Variants in PDZRN4 observed in about 807,000 individuals in gnomAD.
The protein encoded by PDZRN4 is PDZ domain-containing RING finger protein 4.
Under a neutral mutation model 99.0 loss-of-function variants are expected in PDZRN4, and 70 were observed. The ratio of observed to expected loss-of-function variants is 0.71; its 90% CI spans 0.58 to 0.86. PDZRN4 has a LOEUF of 0.86. Ranked by LOEUF, PDZRN4 falls within the 40% of genes least tolerant of loss-of-function variation. The pLI is 0.00. For missense variants in PDZRN4, 1,474 were observed against 1,331.2 expected (o/e 1.11, Z -1.67); for synonymous variants, 551 against 501.6 (o/e 1.10, Z -1.32).
intron 3 of PDZRN4, among the ~76,000 whole-genome samples, chr12:41,265,138 T>C (rs1233872144): frequency 6.6e-6 from 1 of 152,116 alleles, no homozygotes; most frequent in African/African-American, 2.4e-5. Flanking sequence ...TAATGTCAAA[T>C]GAGTCCTTAA....
rs563623613 is a variant in PDZRN4, at chr12:41,303,078, G to A, written c.843+108890G>A. Among the ~76,000 whole-genome samples, 407 of 152,068 alleles carry A rather than the reference G, an allele frequency of 2.7e-3. 4 individuals are homozygous for A. The highest frequency in any genetic ancestry group is 0.017 in the South Asian group (80 of 4,824). On this transcript the variant is annotated intron_variant, in intron 3 of 9. Transcript: ENST00000402685. Reference sequence around the variant, plus strand: ...ACTGATAGAGTGGAGTCAGTGAGCCGTGGCACACATGATCTGAAGAATTAC... The same window carrying A: ...ACTGATAGAGTGGAGTCAGTGAGCCATGGCACACATGATCTGAAGAATTAC...
intron 3 of PDZRN4, among the ~76,000 whole-genome samples, chr12:41,215,988 G>C (rs1422765762): frequency 2.6e-5 from 4 of 151,828 alleles, no homozygotes. Flanking sequence ...ACTATTACTA[G>C]TTAAGGACCT....
At chr12:41,417,723 G>C (rs368097162) in intron 3 of PDZRN4, among the ~76,000 whole-genome samples, 158 of 152,304 alleles carry the variant, frequency 1.0e-3, no homozygotes, top group African/African-American at 3.7e-3. Context: ...TGCATTCTCA[G>C]ATAGGTGATG....
intron 3 of PDZRN4, among the ~76,000 whole-genome samples, chr12:41,312,543 C>A (rs1040365371): frequency 1.3e-5 from 2 of 152,128 alleles, no homozygotes; most frequent in African/African-American, 4.8e-5. Flanking sequence ...GTTTAATGGA[C>A]TCACAGTTCC....
intron 5 of PDZRN4, among the ~76,000 whole-genome samples, chr12:41,552,453 A>G (rs1180512293): frequency 6.6e-6 from 1 of 152,224 alleles, no homozygotes; most frequent in Non-Finnish European, 1.5e-5. Context: ...CAACAAAAAT[A>G]TAAAACACTG....
At position 41,515,422 on chromosome 12, in the gene PDZRN4, G is replaced by C. The variant is rs1474760698; in HGVS notation, c.1203+5509G>C. On this transcript the variant is annotated intron_variant, in intron 5 of 9. Transcript: ENST00000402685. ...TTTTATATCACTTACTACTGGGGCA[G>C]TAAAATAATCCATTAAAAAAATCAC... 2.6e-5 allele frequency among the ~76,000 whole-genome samples: 4 copies of C among 151,924 alleles called. No individual in the cohort carries two copies. In the East Asian group the frequency reaches 7.8e-4, roughly 30 times the overall value.
chr12:41,459,845 A>G (rs982031556), intron 3 of PDZRN4: 8 of 887,592 alleles, frequency 9.0e-6, no homozygotes, highest in Non-Finnish European at 1.2e-5. Context: ...GGGTATTGGG[A>G]AAAAATACCC....
At chr12:41,437,756 C>T (rs745760812) in intron 3 of PDZRN4, 137 of 1,496,302 alleles carry the variant, frequency 9.2e-5, no homozygotes, top group Non-Finnish European at 1.1e-4. Context: ...TTAGGGAAAG[C>T]GAAGAAGAGC....
rs557182250 is a variant in PDZRN4, at chr12:41,506,786, A to G, written c.1100+74A>G. 91 of 1,493,504 alleles carry G rather than the reference A, an allele frequency of 6.1e-5. 2 individuals are homozygous for G. The African/African-American group carries it at 1.0e-3, about 17-fold the overall frequency. 92.5% of individuals were successfully genotyped at this position (1,493,504 alleles called of 1,614,324 possible). A position where few individuals can be genotyped will look rare whatever the true frequency, so the allele number is the denominator to read the frequency against. ...CGTAAAGCAGATGTTGAAAAGAAGC[A>G]GTTCCACTAGCAGGTTGACAGTTAT... On this transcript the variant is annotated intron_variant, in intron 4 of 9. Transcript: ENST00000402685.
Position 41,440,798 on chromosome 12 carries a change from G to A in PDZRN4, c.844-65658G>A, listed in dbSNP as rs189136513. On this transcript the variant is annotated intron_variant, in intron 3 of 9. Transcript: ENST00000402685. ...GCCAGGGACACAGTTTTTATCTACA[G>A]TGATTTATTTTATTCAAAGTAAGTT... Among the ~76,000 whole-genome samples, 5 of 152,202 alleles carry A rather than the reference G, an allele frequency of 3.3e-5. No homozygotes were observed. The East Asian group carries it at 9.7e-4, about 29-fold the overall frequency.
chr12:41,345,243 A>T (rs958623411), intron 3 of PDZRN4, among the ~76,000 whole-genome samples: 1 of 152,212 alleles, frequency 6.6e-6, no homozygotes, highest in Non-Finnish European at 1.5e-5. Context: ...TCAGTGATTG[A>T]TGCTGCATTA....
chr12:41,452,699 A>C (rs1029895466), intron 3 of PDZRN4, among the ~76,000 whole-genome samples: 4 of 152,220 alleles, frequency 2.6e-5, no homozygotes, highest in Admixed American at 6.5e-5. Flanking sequence ...AAAATTTTAA[A>C]TAAGCTAAAT....
chr12:41,552,602 T>G, intron 5 of PDZRN4, 54 bp from the exon 6 acceptor site: 2 of 1,344,028 alleles, frequency 1.5e-6, no homozygotes, highest in Non-Finnish European at 2.1e-6. Context: ...TTCTCCATTC[T>G]GTTGCAGATT....
At chr12:41,361,110 G>T (rs1951961266) in intron 3 of PDZRN4, among the ~76,000 whole-genome samples, 2 of 151,954 alleles carry the variant, frequency 1.3e-5, no homozygotes, top group South Asian at 4.2e-4. Context: ...TTTAGTGTGA[G>T]TATTTTTGTC....
At chr12:41,515,844 T>G (rs1938391700) in intron 5 of PDZRN4, among the ~76,000 whole-genome samples, 1 of 151,966 alleles carries the variant, frequency 6.6e-6, no homozygotes, top group Non-Finnish European at 1.5e-5. Context: ...TGACTCTCAT[T>G]GGTTTACTCC....
chr12:41,511,987 C>G (rs752739306), intron 5 of PDZRN4, among the ~76,000 whole-genome samples: 1 of 152,030 alleles, frequency 6.6e-6, no homozygotes, highest in South Asian at 2.1e-4. Context: ...GCTCTAGGAG[C>G]GGGATGGATG....
At chr12:41,494,224 C>T (rs1002091885) in intron 3 of PDZRN4, among the ~76,000 whole-genome samples, 4 of 151,970 alleles carry the variant, frequency 2.6e-5, no homozygotes, top group African/African-American at 9.7e-5. Flanking sequence ...TCAATCATCT[C>T]GTTCAAGTTT....
intron 3 of PDZRN4, among the ~76,000 whole-genome samples, chr12:41,408,904 T>C (rs890265931): frequency 1.3e-5 from 2 of 152,084 alleles, no homozygotes; most frequent in Non-Finnish European, 2.9e-5. Flanking sequence ...AAGATGTTCA[T>C]TTTTATTATT....
intron 5 of PDZRN4, among the ~76,000 whole-genome samples, chr12:41,519,855 C>T (rs535641040): frequency 1.3e-5 from 2 of 152,140 alleles, no homozygotes; most frequent in African/African-American, 4.8e-5. Context: ...TTCTGGCTCC[C>T]CTGACATTCC....
Sources: gnomAD v4.1 joint callset for allele counts (sites outside exome capture counted in the v4.1 genomes callset) on GRCh38, gnomAD v4.1.1 for gene constraint, MANE v1.5 for transcripts, NCBI Gene and HGNC (gene_info 2026-07-23, HGNC 2026-07-21) for gene names.